Variants in KATNAL2 observed in about 807,000 individuals in gnomAD.
KATNAL2 encodes katanin p60 ATPase-containing subunit A-like 2.
KATNAL2 carries 52 observed loss-of-function variants against 76.3 expected under a neutral mutation model. The observed-to-expected ratio is 0.68, with a 90% CI of 0.55 to 0.86. The LOEUF (loss-of-function observed/expected upper bound fraction) is 0.86. Among genes scored for constraint, KATNAL2 ranks in the 40% least tolerant of loss-of-function variants. KATNAL2 has a pLI of 0.00. For missense variants in KATNAL2, 660 were observed against 668.9 expected (o/e 0.99, Z 0.15); for synonymous variants, 243 against 244.2 (o/e 1.00, Z 0.05).
At position 46,917,640 on chromosome 18, in the gene KATNAL2, G is replaced by C; in HGVS notation, c.-796G>C. 3 of 814,598 alleles carry C rather than the reference G, an allele frequency of 3.7e-6. No individual in the cohort carries two copies. The highest frequency in any genetic ancestry group is 4.5e-6 in the Non-Finnish European group (3 of 670,718). 50.5% of individuals were successfully genotyped at this position (814,598 alleles called of 1,614,324 possible). ...ACAGCGCCCGCCCGCGCCTGCCCCG[G>C]CGTGCTGCCCCGCGGCTTGGCCCCG... On this transcript the variant is annotated 5_prime_UTR_variant, in exon 1 of 18. Transcript: ENST00000683218.
Position 47,073,462 on chromosome 18 carries a change from G to T in KATNAL2, c.1009-1815G>T, listed in dbSNP as rs1361517244. Among the ~76,000 whole-genome samples the T allele has an allele frequency of 3.3e-5, 5 of 152,204 alleles. No homozygotes were observed. In the East Asian group the frequency reaches 7.7e-4, roughly 24 times the overall value. On this transcript the variant is annotated intron_variant, in intron 13 of 17. Transcript: ENST00000683218. ...TTACATCATTTTCTCTTTATTTTCTGAGCTTTTGGGAAGATCCTCAACTGG... is the reference window on the plus strand; with the variant it reads ...TTACATCATTTTCTCTTTATTTTCTTAGCTTTTGGGAAGATCCTCAACTGG...
chr18:47,065,131 T>C (rs1387319913), intron 10 of KATNAL2, among the ~76,000 whole-genome samples: 3 of 152,144 alleles, frequency 2.0e-5, no homozygotes, highest in African/African-American at 7.2e-5. Flanking sequence ...AAGAATGGAT[T>C]GTAAATATCA....
intron 15 of KATNAL2, among the ~76,000 whole-genome samples, chr18:47,092,766 CTA>C (rs2063057029): frequency 6.6e-6 from 1 of 152,198 alleles, no homozygotes; most frequent in Non-Finnish European, 1.5e-5. Context: ...GTCCTTCACT[CTA>C]TGCGTCACAG....
chr18:47,033,475 T>C (rs2060588194), intron 3 of KATNAL2: 8 of 1,614,182 alleles, frequency 5.0e-6, no homozygotes, highest in Non-Finnish European at 5.9e-6. Context: ...TTCCTGTGGC[T>C]TTTCTTCCTT....
At chr18:47,088,884 C>G (rs1286012541) in intron 15 of KATNAL2, among the ~76,000 whole-genome samples, 3 of 152,164 alleles carry the variant, frequency 2.0e-5, no homozygotes, top group African/African-American at 2.4e-5. Context: ...TTGGACCATG[C>G]CAATAAGAGG....
rs34331798 is a variant in KATNAL2 at position 47,044,761 on chromosome 18, C to CAAA, written c.52-1688_52-1686dup. On this transcript the variant is annotated intron_variant, in intron 3 of 17. Coordinates refer to ENST00000683218, the MANE Select transcript of KATNAL2 (RefSeq NM_001387690.1). ...GGGCAACAAGAGCAAGATTCCTTCT[C>CAAA]AAAAAAAAAACAAAAACAAAAACAA... is the stretch of plus-strand genomic sequence containing the variant. Among the ~76,000 whole-genome samples, 68 of 82,712 alleles carry CAAA rather than the reference C, an allele frequency of 8.2e-4. 1 individual carries two copies. The highest frequency in any genetic ancestry group is 2.9e-3 in the African/African-American group (63 of 21,986). The allele number at this position is 82,712 out of a possible 152,430, so 54.3% of individuals were successfully genotyped here.
intron 15 of KATNAL2, among the ~76,000 whole-genome samples, chr18:47,097,892 C>T (rs2063317913): frequency 6.6e-6 from 1 of 152,116 alleles, no homozygotes; most frequent in South Asian, 2.1e-4. Flanking sequence ...CACCCTCCAC[C>T]CTGACTGGAG....
chr18:47,034,831 C>T, intron 3 of KATNAL2: 1 of 1,612,152 alleles, frequency 6.2e-7, no homozygotes, highest in South Asian at 1.1e-5. Context: ...ACTGTGAGAC[C>T]TCGGGTGAGG....
intron 15 of KATNAL2, among the ~76,000 whole-genome samples, chr18:47,087,930 T>C (rs1464566175): frequency 1.3e-5 from 2 of 152,192 alleles, no homozygotes; most frequent in Non-Finnish European, 2.9e-5. Flanking sequence ...ATTGTATGTG[T>C]GTACCATAAT....
chr18:47,039,805 C>T (rs1326999529), intron 3 of KATNAL2, among the ~76,000 whole-genome samples: 2 of 152,188 alleles, frequency 1.3e-5, no homozygotes, highest in African/African-American at 4.8e-5. Flanking sequence ...AGCTATTGGG[C>T]ACCCACCAAT....
rs779873455 is a variant in KATNAL2, at chr18:47,063,325, CA to C, written c.691del (p.Ser231ValfsTer10). 9.9e-6 allele frequency: 16 copies of C among 1,613,946 alleles called. No individual in the cohort carries two copies. The highest frequency in any genetic ancestry group is 8.3e-5 in the Admixed American group (5 of 59,990). ...CTCTGAGTGCATTTATTGGCATGAA[CA>C]GTGAGATGCGAGAATTGGCAGCCGT... ...KPLSAFIGMN[S>X]EMRELAAVVS... is the part of the protein sequence containing the mutation. On this transcript the variant is annotated frameshift_variant, in exon 10 of 18. Coordinates refer to ENST00000683218, the MANE Select transcript of KATNAL2 (RefSeq NM_001387690.1). LOFTEE classifies it high-confidence loss of function.
chr18:47,080,644 G>A (rs1056692814), intron 15 of KATNAL2, among the ~76,000 whole-genome samples: 9 of 152,172 alleles, frequency 5.9e-5, no homozygotes, highest in African/African-American at 2.2e-4. Flanking sequence ...TTCACATGAA[G>A]CAAATTCACA....
intron 2 of KATNAL2, 25 bp from the exon 3 acceptor site, chr18:46,946,829 C>A: frequency 6.5e-7 from 1 of 1,529,716 alleles, no homozygotes; most frequent in Non-Finnish European, 8.8e-7. Flanking sequence ...AGCCCAGTAA[C>A]TGACTACTTT....
chr18:46,941,685 C>T (rs1163990886), intron 1 of KATNAL2, among the ~76,000 whole-genome samples: 4 of 152,108 alleles, frequency 2.6e-5, no homozygotes, highest in African/African-American at 9.7e-5. Context: ...AAAAAAAGTG[C>T]TGCTTTCTTC....
chr18:47,098,229 A>T, intron 15 of KATNAL2: 1 of 408,196 alleles, frequency 2.4e-6, no homozygotes, highest in Non-Finnish European at 4.8e-6. Flanking sequence ...CTCAAAAAAA[A>T]AAAAAGTGTA....
At chr18:47,046,922 C>A (rs1162424971) in intron 4 of KATNAL2, among the ~76,000 whole-genome samples, 1 of 152,144 alleles carries the variant, frequency 6.6e-6, no homozygotes, top group Non-Finnish European at 1.5e-5. Context: ...CCTCCTCCTG[C>A]CCCAACAACC....
chr18:46,921,044 G>A (rs753002751), intron 1 of KATNAL2, among the ~76,000 whole-genome samples: 20 of 152,166 alleles, frequency 1.3e-4, no homozygotes, highest in Non-Finnish European at 1.9e-4. Context: ...CTAGGCTACC[G>A]TCTTAAAATG....
chr18:46,942,302 C>G (rs1170439728), intron 1 of KATNAL2, among the ~76,000 whole-genome samples: 2 of 152,126 alleles, frequency 1.3e-5, no homozygotes, highest in African/African-American at 4.8e-5. Context: ...TTAAGCTCAT[C>G]CAGTAAATTT....
At chr18:47,092,993 T>C (rs1444894741) in intron 15 of KATNAL2, among the ~76,000 whole-genome samples, 2 of 152,266 alleles carry the variant, frequency 1.3e-5, no homozygotes, top group African/African-American at 2.4e-5. Context: ...ATCTGAATTC[T>C]GAAGGCAGTG....
Sources: gnomAD v4.1 joint callset for allele counts (sites outside exome capture counted in the v4.1 genomes callset) on GRCh38, gnomAD v4.1.1 for gene constraint, MANE v1.5 for transcripts, NCBI Gene and HGNC (gene_info 2026-07-23, HGNC 2026-07-21) for gene names.